Variants in USP7 observed in about 807,000 individuals in gnomAD.
The protein encoded by USP7 is ubiquitin specific peptidase 7.
Under a neutral mutation model 162.9 loss-of-function variants are expected in USP7, and 9 were observed. The ratio of observed to expected loss-of-function variants is 0.06; its 90% CI spans 0.03 to 0.10. The LOEUF (loss-of-function observed/expected upper bound fraction) is 0.10, where lower values mean the gene tolerates loss of function less well. USP7 is among the 10% of genes least tolerant of loss of function. The pLI is 1.00. For missense variants in USP7, 715 were observed against 1,373.7 expected (o/e 0.52, Z 7.58); for synonymous variants, 562 against 475.9 (o/e 1.18, Z -2.35).
intron 20 of USP7, 72 bp from the exon 21 acceptor site, chr16:8,900,702 T>C (rs1184665274): frequency 1.3e-5 from 15 of 1,142,730 alleles, no homozygotes; most frequent in Non-Finnish European, 1.9e-5. Flanking sequence ...TAGTCTTCCA[T>C]GTACTTAAGT....
Position 8,893,940 on chromosome 16 carries a change from T to C in USP7, c.*58A>G. 1.3e-6 allele frequency: 2 copies of C among 1,509,074 alleles called. No homozygotes were observed. The highest frequency in any genetic ancestry group is 1.4e-5 in the African/African-American group (1 of 72,856). The allele number at this position is 1,509,074 out of a possible 1,614,324, so 93.5% of individuals were successfully genotyped here. On this transcript the variant is annotated 3_prime_UTR_variant, in exon 31 of 31. Coordinates refer to ENST00000344836, the MANE Select transcript of USP7 (RefSeq NM_003470.3). ...CTAGAGGGCACGTGCACCAAAGTTCTAGGCTGTTAAGGGGCCACCCACACA... is the reference window on the plus strand; with the variant it reads ...CTAGAGGGCACGTGCACCAAAGTTCCAGGCTGTTAAGGGGCCACCCACACA...
chr16:8,915,890 G>C (rs1231154670), intron 8 of USP7, among the ~76,000 whole-genome samples: 1 of 152,210 alleles, frequency 6.6e-6, no homozygotes, highest in Non-Finnish European at 1.5e-5. Context: ...CTGTCAACAG[G>C]ATTGACTGGT....
intron 28 of USP7, 29 bp from the exon 29 acceptor site, chr16:8,894,884 C>T (rs768881468): frequency 6.2e-7 from 1 of 1,614,040 alleles, no homozygotes; most frequent in Admixed American, 1.7e-5. Context: ...TGTGCTCACA[C>T]AGTCACTCCC....
In USP7 at chr16:8,897,703, A is replaced by C. The variant is rs1424590474; in HGVS notation, c.2719-604T>G. 9.7e-4 allele frequency among the ~76,000 whole-genome samples: 25 copies of C among 25,748 alleles called. 1 individual carries two copies. The highest frequency in any genetic ancestry group is 1.5e-3 in the East Asian group (1 of 648). 16.9% of individuals were successfully genotyped at this position (25,748 alleles called of 152,430 possible). A position where few individuals can be genotyped will look rare whatever the true frequency, so the allele number is the denominator to read the frequency against. On this transcript the variant is annotated intron_variant, in intron 25 of 30. Transcript: ENST00000344836. ...ATAGTGAGACCCTGTCTCTACAAAA[A>C]AAAAAAAAAAAAAAAAAAAAAAAAT...
intron 1 of USP7, among the ~76,000 whole-genome samples, chr16:8,953,246 C>T (rs1389550542): frequency 1.3e-5 from 2 of 152,094 alleles, no homozygotes; most frequent in East Asian, 3.9e-4. Context: ...GCTGCTTTGC[C>T]GAAGCCCTCC....
At chr16:8,939,358 T>A (rs1024479206) in intron 1 of USP7, among the ~76,000 whole-genome samples, 2 of 152,182 alleles carry the variant, frequency 1.3e-5, no homozygotes, top group Non-Finnish European at 2.9e-5. Flanking sequence ...GGACACAGTG[T>A]GGAATGAGTT....
chr16:8,902,280 T>G, intron 17 of USP7, 93 bp from the exon 18 acceptor site: 1 of 1,581,568 alleles, frequency 6.3e-7, no homozygotes, highest in East Asian at 2.2e-5. Context: ...AAACGTCCAA[T>G]TCTAGTTAAG....
In USP7 at chr16:8,963,290, G is replaced by C; in HGVS notation, c.-5C>G. 2.3e-6 allele frequency: 3 copies of C among 1,282,764 alleles called. No homozygotes were observed. The highest frequency in any genetic ancestry group is 3.0e-6 in the Non-Finnish European group (3 of 994,000). The allele number at this position is 1,282,764 out of a possible 1,614,324, so 79.5% of individuals were successfully genotyped here. On this transcript the variant is annotated 5_prime_UTR_variant, in exon 1 of 31. Coordinates refer to ENST00000344836, the MANE Select transcript of USP7 (RefSeq NM_003470.3). ...CTGCTGCTGCTGGTGGTTCATGTCG[G>C]CCGCGGCCTGGGCCTCGCCTGCGGC... is the stretch of plus-strand genomic sequence containing the variant.
chr16:8,927,832 T>C (rs1158264523), intron 2 of USP7, among the ~76,000 whole-genome samples: 1 of 151,866 alleles, frequency 6.6e-6, no homozygotes, highest in Non-Finnish European at 1.5e-5. Flanking sequence ...CAAGAACCTA[T>C]CTCAAAATAA....
At position 8,906,564 on chromosome 16, in the gene USP7, C is replaced by T; in HGVS notation, c.1290G>A (p.Gln430=). The change falls in exon 13 of 31, where the codon CAG becomes CAA. Residue 430 remains glutamine, a synonymous_variant. Transcript: ENST00000344836. ...KINDRFEFPE[Q]LPLDEFLQKT... ...TTTGCAAAAATTCATCAAGTGGTAA[C>T]TGCTCTGGGAATTCAAACCTATTAG... 6.2e-7 allele frequency: 1 copy of T among 1,613,228 alleles called. No individual in the cohort carries two copies. The highest frequency in any genetic ancestry group is 8.5e-7 in the Non-Finnish European group (1 of 1,179,816).
chr16:8,899,514 C>T lies in USP7; in HGVS notation c.2463+90G>A, dbSNP rs900853627. 3 of 1,528,112 alleles carry T rather than the reference C, an allele frequency of 2.0e-6. No homozygotes were observed. The Admixed American group carries it at 5.6e-5, about 28-fold the overall frequency. 94.7% of individuals were successfully genotyped at this position (1,528,112 alleles called of 1,614,324 possible). On this transcript the variant is annotated intron_variant, in intron 22 of 30. Coordinates refer to ENST00000344836, the MANE Select transcript of USP7 (RefSeq NM_003470.3). ...GGCATAGCCCCTTCTGAACCAAAAC[C>T]ATGAGATAGCTTCTTCAACAAGCAT...
chr16:8,918,620 G>C (rs1897509413), intron 6 of USP7, among the ~76,000 whole-genome samples: 1 of 152,096 alleles, frequency 6.6e-6, no homozygotes, highest in Non-Finnish European at 1.5e-5. Flanking sequence ...GACCAGCCTG[G>C]ACAACATGGT....
In USP7 at chr16:8,923,259, T is replaced by A; in HGVS notation, c.339A>T (p.Lys113Asn). The A allele has an allele frequency of 7.8e-7, 1 of 1,283,002 alleles. No individual in the cohort carries two copies. Among genetic ancestry groups the A allele is most frequent in the Non-Finnish European group, 1.0e-6 (1 of 993,382 alleles). 79.5% of individuals were successfully genotyped at this position (1,283,002 alleles called of 1,614,324 possible). Residue 113 changes from lysine to asparagine, a missense_variant, in exon 3 of 31, where the codon AAA becomes AAT. Transcript: ENST00000344836. ...TGCACTGGAGAAAGAATCCTACGCT[T>A]TTTTGGTGTGGTCTGTCTGGATAAA... is the stretch of plus-strand genomic sequence containing the variant. ...PRFYPDRPHQ[K>N]SVGFFLQCNA... is the part of the protein sequence containing the mutation.
chr16:8,920,559 TA>T, intron 4 of USP7, 112 bp from the exon 5 acceptor site: 1 of 859,320 alleles, frequency 1.2e-6, no homozygotes, highest in Non-Finnish European at 1.7e-6. Flanking sequence ...ACTTTTTTTT[TA>T]AATACATCCC....
At chr16:8,961,503 A>AGGG (rs1567252630) in intron 1 of USP7, among the ~76,000 whole-genome samples, 41 of 58,566 alleles carry the variant, frequency 7.0e-4, no homozygotes, top group East Asian at 3.1e-3. Context: ...AAAAAAAAAA[A>AGGG]AGGGGGGGGG....
intron 1 of USP7, among the ~76,000 whole-genome samples, chr16:8,938,981 T>C (rs1020213110): frequency 6.6e-6 from 1 of 152,120 alleles, no homozygotes; most frequent in African/African-American, 2.4e-5. Context: ...CCACCATTAA[T>C]ACCAAGGGAC....
In USP7 at chr16:8,915,617, A is replaced by ACATTGACT. The variant is rs1224991785; in HGVS notation, c.907-93_907-92insAGTCAATG. ...AATTGACTAGAAATATCAATGTTCA[A>ACATTGACT]AGAAGTTGTAGACTATAAAAATATG... is the stretch of plus-strand genomic sequence containing the variant. On this transcript the variant is annotated intron_variant, in intron 8 of 30. Transcript: ENST00000344836. 2.4e-4 allele frequency: 280 copies of ACATTGACT among 1,148,376 alleles called. 3 individuals carry two copies. The East Asian group carries it at 6.6e-3, about 27-fold the overall frequency. 71.1% of individuals were successfully genotyped at this position (1,148,376 alleles called of 1,614,324 possible). A position where few individuals can be genotyped will look rare whatever the true frequency, so the allele number is the denominator to read the frequency against.
At chr16:8,938,987 G>A (rs975421968) in intron 1 of USP7, among the ~76,000 whole-genome samples, 8 of 152,106 alleles carry the variant, frequency 5.3e-5, no homozygotes, top group African/African-American at 1.9e-4. Context: ...TTAATACCAA[G>A]GGACAGGGAG....
At chr16:8,944,357 T>G (rs1899186100) in intron 1 of USP7, among the ~76,000 whole-genome samples, 1 of 152,178 alleles carries the variant, frequency 6.6e-6, no homozygotes, top group African/African-American at 2.4e-5. Flanking sequence ...ACAAAGGAAT[T>G]GCCTGGGCTA....
Sources: allele counts gnomAD v4.1 joint callset (sites outside exome capture counted in the v4.1 genomes callset), GRCh38; gene constraint gnomAD v4.1.1; transcripts MANE v1.5; gene names NCBI Gene and HGNC (gene_info 2026-07-23, HGNC 2026-07-21).